The following SH3RF3 variants were observed in gnomAD, a reference collection of about 807,000 sequenced individuals.
SH3RF3 encodes SH3 domain containing ring finger 3, also known as E3 ubiquitin-protein ligase SH3RF3.
A neutral mutation model predicts 66.3 loss-of-function variants in SH3RF3; 29 were observed. The observed-to-expected ratio is 0.44, with a 90% CI of 0.33 to 0.60. The LOEUF (loss-of-function observed/expected upper bound fraction) is 0.60, where lower values mean the gene tolerates loss of function less well. Ranked by LOEUF, SH3RF3 falls within the 20% of genes least tolerant of loss-of-function variation. The pLI is 0.04. For missense variants in SH3RF3, 1,194 were observed against 1,190.9 expected (o/e 1.00, Z -0.04); for synonymous variants, 583 against 532.0 (o/e 1.10, Z -1.32).
At chr2:109,432,711 A>G (rs1677272524) in intron 6 of SH3RF3, 40 bp downstream of exon 6, 1 of 1,589,764 alleles carries the variant, frequency 6.3e-7, no homozygotes, top group Admixed American at 1.7e-5. Flanking sequence ...AGGAGAGGGC[A>G]AGGGCCTGCA....
intron 1 of SH3RF3, among the ~76,000 whole-genome samples, chr2:109,151,454 G>C (rs1441670129): frequency 6.6e-6 from 1 of 152,190 alleles, no homozygotes; most frequent in Non-Finnish European, 1.5e-5. Flanking sequence ...AATAGAATTT[G>C]AGCCACATAT....
At chr2:109,472,609 C>G (rs1678554779) in intron 8 of SH3RF3, among the ~76,000 whole-genome samples, 1 of 152,188 alleles carries the variant, frequency 6.6e-6, no homozygotes, top group African/African-American at 2.4e-5. Context: ...CCATCTGTTT[C>G]ATTTAAAAAC....
intron 1 of SH3RF3, among the ~76,000 whole-genome samples, chr2:109,214,965 C>T (rs1017443063): frequency 6.6e-6 from 1 of 152,180 alleles, no homozygotes; most frequent in Non-Finnish European, 1.5e-5. Flanking sequence ...AGAAGGGGCA[C>T]GTCGCTGAGC....
intron 3 of SH3RF3, among the ~76,000 whole-genome samples, chr2:109,382,794 A>G (rs1223794943): frequency 6.6e-6 from 1 of 152,236 alleles, no homozygotes; most frequent in Non-Finnish European, 1.5e-5. Context: ...ATTTGAAGTT[A>G]GCACCCCCAA....
chr2:109,399,925 C>T (rs1193323186), intron 4 of SH3RF3, among the ~76,000 whole-genome samples: 1 of 152,228 alleles, frequency 6.6e-6, no homozygotes, highest in African/African-American at 2.4e-5. Context: ...CCATTTCTCC[C>T]TGCGCTGCAG....
At chr2:109,283,524 A>G (rs1329147179) in intron 1 of SH3RF3, among the ~76,000 whole-genome samples, 1 of 151,830 alleles carries the variant, frequency 6.6e-6, no homozygotes, top group African/African-American at 2.4e-5. Context: ...AGAGTAGGGG[A>G]GGGATGGGCC....
intron 1 of SH3RF3, among the ~76,000 whole-genome samples, chr2:109,206,454 G>GCA (rs1678840339): frequency 7.9e-6 from 1 of 126,460 alleles, no homozygotes; most frequent in Non-Finnish European, 1.6e-5. Flanking sequence ...TCGTGCCACC[G>GCA]CACTCCAGCC....
intron 4 of SH3RF3, among the ~76,000 whole-genome samples, chr2:109,417,717 C>T (rs931482781): frequency 6.6e-5 from 10 of 152,288 alleles, no homozygotes; most frequent in East Asian, 1.9e-4. Context: ...TTCTGCCAGG[C>T]GCACTGGGTT....
chr2:109,452,833 AGGAGGCTGGTCCCTG>A (rs1453365998), intron 8 of SH3RF3, among the ~76,000 whole-genome samples: 14 of 130,506 alleles, frequency 1.1e-4, no homozygotes, highest in Non-Finnish European at 1.5e-4. Context: ...GGCTGGTGCC[AGGAGGCTGGTCCCTG>A]GGAGGCTGGT....
At chr2:109,433,043 C>T (rs777183199) in intron 6 of SH3RF3, among the ~76,000 whole-genome samples, 4 of 152,232 alleles carry the variant, frequency 2.6e-5, no homozygotes, top group South Asian at 2.1e-4. Flanking sequence ...AGTGTGTGCA[C>T]GCTTCTGTGT....
At chr2:109,260,802 A>G (rs1311541118) in intron 1 of SH3RF3, among the ~76,000 whole-genome samples, 1 of 152,170 alleles carries the variant, frequency 6.6e-6, no homozygotes, top group Non-Finnish European at 1.5e-5. Flanking sequence ...CCAAGTTCCT[A>G]AGTGCATGGT....
chr2:109,464,439 G>A (rs373127348), intron 8 of SH3RF3, among the ~76,000 whole-genome samples: 44 of 151,952 alleles, frequency 2.9e-4, no homozygotes, highest in East Asian at 1.6e-3. Context: ...ACACACATTC[G>A]CGTACATATA....
At chr2:109,294,363 C>T (rs1176680316) in intron 1 of SH3RF3, among the ~76,000 whole-genome samples, 2 of 151,950 alleles carry the variant, frequency 1.3e-5, no homozygotes, top group African/African-American at 2.4e-5. Context: ...GAGCTCGAGA[C>T]CAGCTTGGTC....
At position 109,398,901 on chromosome 2, in the gene SH3RF3, G is replaced by A. The variant is rs1411186541; in HGVS notation, c.1257G>A (p.Arg419=). The A allele has an allele frequency of 6.2e-7, 1 of 1,613,594 alleles. No homozygotes were observed. Among genetic ancestry groups the A allele is most frequent in the Non-Finnish European group, 8.5e-7 (1 of 1,179,886 alleles). Residue 419 remains arginine (R), a synonymous_variant, in exon 4 of 10, where the codon AGG becomes AGA. Transcript: ENST00000309415. ...CCAGCGATCCCCGAGCCGCGGCCAGGATTGGAGACCTTGCTCATCTGTCGT... is the reference window on the plus strand; with the variant it reads ...CCAGCGATCCCCGAGCCGCGGCCAGAATTGGAGACCTTGCTCATCTGTCGT... ...ISSSDPRAAA[R]IGDLAHLSCA...
chr2:109,268,556 C>G (rs1680553934), intron 1 of SH3RF3, among the ~76,000 whole-genome samples: 1 of 152,198 alleles, frequency 6.6e-6, no homozygotes, highest in Middle Eastern at 3.2e-3. Flanking sequence ...CTCTCCCTCC[C>G]CAACAGGGCT....
In SH3RF3 at chr2:109,141,600, C is replaced by T. The variant is rs1279873512; in HGVS notation, c.573+11487C>T. 4.5e-5 allele frequency: 7 copies of T among 154,984 alleles called. No homozygotes were observed. The South Asian group carries it at 1.0e-3, about 23-fold the overall frequency. The allele number at this position is 154,984 out of a possible 1,614,324, so 9.6% of individuals were successfully genotyped here. ...TCCAACCCACTGCACTTTTCTCTAT[C>T]GTGAAATCGGATGTGAATTTAGGGT... On this transcript the variant is annotated intron_variant, in intron 1 of 9. Transcript: ENST00000309415.
intron 1 of SH3RF3, among the ~76,000 whole-genome samples, chr2:109,303,245 A>T (rs914326023): frequency 1.3e-5 from 2 of 152,206 alleles, no homozygotes; most frequent in Non-Finnish European, 2.9e-5. Flanking sequence ...CCCCAACAGG[A>T]TCTGAGGACC....
At chr2:109,340,381 G>GCC (rs1185153022) in intron 1 of SH3RF3, among the ~76,000 whole-genome samples, 1 of 152,184 alleles carries the variant, frequency 6.6e-6, no homozygotes, top group Non-Finnish European at 1.5e-5. Context: ...CTGGATGAGA[G>GCC]CCCCAGTACT....
intron 3 of SH3RF3, among the ~76,000 whole-genome samples, chr2:109,395,979 C>A (rs887060568): frequency 2.6e-5 from 4 of 152,222 alleles, no homozygotes; most frequent in African/African-American, 9.6e-5. Context: ...CATTTGAGCC[C>A]AGCCTCAGCA....
Sources: allele counts gnomAD v4.1 joint callset (sites outside exome capture counted in the v4.1 genomes callset), GRCh38; gene constraint gnomAD v4.1.1; transcripts MANE v1.5; gene names NCBI Gene and HGNC (gene_info 2026-07-23, HGNC 2026-07-21).